The following SLC34A2 variants were observed in gnomAD, a reference collection of about 807,000 sequenced individuals.
SLC34A2 encodes sodium-dependent phosphate transport protein 2B.
A neutral mutation model predicts 50.8 loss-of-function variants in SLC34A2; 41 were observed. The observed-to-expected ratio is 0.81, with a 90% CI of 0.63 to 1.05. The LOEUF is 1.05. SLC34A2 is among the 50% of genes least tolerant of loss of function. The pLI is 0.00. For synonymous variants in SLC34A2, 401 were observed against 364.2 expected (o/e 1.10, Z -1.15); for missense variants, 879 against 876.7 (o/e 1.00, Z -0.03).
rs1298838624 is a variant in SLC34A2 at position 25,678,644 on chromosome 4, G to C, written c.*1895G>C. On this transcript the variant is annotated 3_prime_UTR_variant, in exon 13 of 13. Coordinates refer to ENST00000382051, the MANE Select transcript of SLC34A2 (RefSeq NM_006424.3). The stretch of plus-strand genomic sequence containing the variant: ...AATCCGCCCACCTCAGCCTCCCAAA[G>C]TGCTGAGATCACAGGCGTGAGCCAC... 2.9e-6 allele frequency: 1 copy of C among 350,382 alleles called. No individual in the cohort carries two copies. Among genetic ancestry groups the C allele is most frequent in the African/African-American group, 2.1e-5 (1 of 47,820 alleles). 21.7% of individuals were successfully genotyped at this position (350,382 alleles called of 1,614,324 possible).
chr4:25,673,352 G>A, intron 10 of SLC34A2, 98 bp downstream of exon 10: 2 of 1,159,988 alleles, frequency 1.7e-6, no homozygotes, highest in Non-Finnish European at 2.5e-6. Flanking sequence ...TCTGCATGGA[G>A]TTTCTCTCTC....
At chr4:25,663,351 A>G (rs572093855) in intron 3 of SLC34A2, among the ~76,000 whole-genome samples, 1 of 152,306 alleles carries the variant, frequency 6.6e-6, no homozygotes, top group Non-Finnish European at 1.5e-5. Context: ...GCAAAGATGG[A>G]CATTGTCTGG....
chr4:25,664,266 C>A lies in SLC34A2; in HGVS notation c.315C>A (p.Leu105=), dbSNP rs374518970. Residue 105 remains leucine (L), a synonymous_variant, in exon 4 of 13, where the codon CTC becomes CTA. Transcript: ENST00000382051. ...GGATTGGGAGATTGATTTTACTTCT[C>A]GGATTTCTCTACTTTTTCGTGTGCT... ...FQGIGRLILL[L]GFLYFFVCSL... The A allele has an allele frequency of 6.2e-7, 1 of 1,612,228 alleles. No homozygotes were observed. The highest frequency in any genetic ancestry group is 1.1e-5 in the South Asian group (1 of 91,004).
At chr4:25,669,906 G>T in intron 7 of SLC34A2, 64 bp downstream of exon 7, 1 of 1,363,190 alleles carries the variant, frequency 7.3e-7, no homozygotes, top group Non-Finnish European at 1.0e-6. Flanking sequence ...CCCTACCTGA[G>T]CTGACAGATA....
In SLC34A2 at chr4:25,673,109, C is replaced by T. The variant is rs765763683; in HGVS notation, c.1071C>T (p.Phe357=). The part of the protein sequence containing the change: ...IAKCQHIFVN[F]HLPDLAVGTI... ...CAGGCCAGCATATCTTTGTGAATTT[C>T]CACCTCCCGGATCTTGCTGTGGGCA... Residue 357 remains phenylalanine (F), a synonymous_variant, in exon 10 of 13, where the codon TTC becomes TTT. Coordinates refer to ENST00000382051, the MANE Select transcript of SLC34A2 (RefSeq NM_006424.3). The T allele has an allele frequency of 1.2e-5, 19 of 1,614,140 alleles. No homozygotes were observed. Among genetic ancestry groups the T allele is most frequent in the Middle Eastern group, 1.7e-4 (1 of 6,060 alleles).
Position 25,669,727 on chromosome 4 carries a change from A to C in SLC34A2, c.716A>C (p.His239Pro), listed in dbSNP as rs1215959671. Residue 239 changes from histidine to proline, a missense_variant, in exon 7 of 13, where the codon CAT (histidine) becomes CCT (proline). By Grantham distance (77) the His-to-Pro change is moderately conservative (BLOSUM62 -2). Transcript: ENST00000382051. Reference protein sequence around the residue: ...LVLLPVEVATHYLEIITQLIV... With the variant: ...LVLLPVEVATPYLEIITQLIV... ...CTCTTGCCCGTGGAGGTGGCCACCC[A>C]TTACCTCGAGATCATAACCCAGCTT... 6.2e-7 allele frequency: 1 copy of C among 1,614,178 alleles called. No individual in the cohort carries two copies. Among genetic ancestry groups the C allele is most frequent in the Non-Finnish European group, 8.5e-7 (1 of 1,180,036 alleles).
chr4:25,668,843 A>G (rs928019595), intron 6 of SLC34A2, among the ~76,000 whole-genome samples: 2 of 151,628 alleles, frequency 1.3e-5, no homozygotes, highest in African/African-American at 4.8e-5. Flanking sequence ...CTTTTCTTTC[A>G]AAAAGGTTAA....
At chr4:25,662,006 G>A (rs1177266345) in intron 1 of SLC34A2, among the ~76,000 whole-genome samples, 1 of 152,018 alleles carries the variant, frequency 6.6e-6, no homozygotes, top group African/African-American at 2.4e-5. Flanking sequence ...CCGAGTAGCT[G>A]GGACTATAGG....
chr4:25,665,445 G>A (rs1043200453), intron 4 of SLC34A2, among the ~76,000 whole-genome samples: 3 of 152,126 alleles, frequency 2.0e-5, no homozygotes, highest in African/African-American at 4.8e-5. Context: ...TGGGATTACA[G>A]GTGTGAGCCA....
chr4:25,669,370 G>C (rs1714689660), intron 6 of SLC34A2, among the ~76,000 whole-genome samples: 1 of 152,152 alleles, frequency 6.6e-6, no homozygotes, highest in Admixed American at 6.5e-5. Context: ...ATACAAAAGT[G>C]CCCTTGATGC....
chr4:25,675,941 G>A (rs75499883), intron 12 of SLC34A2, among the ~76,000 whole-genome samples, 194 bp from the exon 13 acceptor site: 1,729 of 152,232 alleles, frequency 0.011, 24 homozygotes, highest in African/African-American at 0.039. Context: ...GAGTGCTCCT[G>A]GCCCTCCCAG....
At chr4:25,664,008 T>C (rs1434353822) in intron 3 of SLC34A2, among the ~76,000 whole-genome samples, 194 bp from the exon 4 acceptor site, 1 of 152,132 alleles carries the variant, frequency 6.6e-6, no homozygotes, top group Non-Finnish European at 1.5e-5. Context: ...ACCACAGCGG[T>C]AACTGCTTTG....
chr4:25,676,630 C>T lies in SLC34A2; in HGVS notation c.1954C>T (p.Gln652Ter), dbSNP rs1292174866. ...GTGCTGCGAGGACTTGGAGGAGGCG[C>T]AGGAGGGGCAGGATGTCCCTGTCAA... ...SKCCEDLEEA[Q>*]EGQDVPVKAP... The change falls in exon 13 of 13, where the codon CAG (glutamine) becomes TAG (stop). Residue 652 changes from glutamine to a stop codon, truncating the protein, a stop_gained. Transcript: ENST00000382051. LOFTEE classifies it low-confidence loss of function (END_TRUNC). 2 of 1,613,968 alleles carry T rather than the reference C, an allele frequency of 1.2e-6. No homozygotes were observed. Among genetic ancestry groups the T allele is most frequent in the African/African-American group, 2.7e-5 (2 of 74,936 alleles).
In SLC34A2 at chr4:25,659,023, T is replaced by A. The variant is rs573471194; in HGVS notation, c.-4+3133T>A. Among the ~76,000 whole-genome samples, 5 of 151,580 alleles carry A rather than the reference T, an allele frequency of 3.3e-5. No homozygotes were observed. In the South Asian group the frequency reaches 1.0e-3, roughly 32 times the overall value. On this transcript the variant is annotated intron_variant, in intron 1 of 12. Coordinates refer to ENST00000382051, the MANE Select transcript of SLC34A2 (RefSeq NM_006424.3). ...GGAGTGACCTGCAGACATGCCAATC[T>A]AGCCAGCTATCCGAAAACACTCAGA...
chr4:25,678,410 T>C lies in SLC34A2; in HGVS notation c.*1661T>C, dbSNP rs1334580262. ...ATGAAATGTAAAGAAAGAAACCACTTTGTATATTTTGTAATACCACCTCTG... is the reference window on the plus strand; with the variant it reads ...ATGAAATGTAAAGAAAGAAACCACTCTGTATATTTTGTAATACCACCTCTG... On this transcript the variant is annotated 3_prime_UTR_variant, in exon 13 of 13. Transcript: ENST00000382051. 1.3e-5 allele frequency: 2 copies of C among 156,004 alleles called. No individual in the cohort carries two copies. The highest frequency in any genetic ancestry group is 4.8e-5 in the African/African-American group (2 of 41,472). 9.7% of individuals were successfully genotyped at this position (156,004 alleles called of 1,614,324 possible).
intron 1 of SLC34A2, chr4:25,656,525 G>A (rs1713890688): frequency 6.6e-6 from 1 of 152,282 alleles, no homozygotes; most frequent in Non-Finnish European, 1.5e-5. Flanking sequence ...CCGTCTTGGG[G>A]AGCAAAGCCC....
Position 25,676,631 on chromosome 4 carries a change from A to C in SLC34A2, c.1955A>C (p.Gln652Pro). Residue 652 changes from glutamine to proline, a missense_variant, in exon 13 of 13, where the codon CAG (glutamine) becomes CCG (proline). Transcript: ENST00000382051. ...SKCCEDLEEA[Q>P]EGQDVPVKAP... ...TGCTGCGAGGACTTGGAGGAGGCGC[A>C]GGAGGGGCAGGATGTCCCTGTCAAG... The C allele has an allele frequency of 6.2e-7, 1 of 1,614,116 alleles. No individual in the cohort carries two copies. Among genetic ancestry groups the C allele is most frequent in the Non-Finnish European group, 8.5e-7 (1 of 1,179,964 alleles).
intron 10 of SLC34A2, among the ~76,000 whole-genome samples, chr4:25,673,911 G>A (rs1479555511): frequency 6.6e-6 from 1 of 152,168 alleles, no homozygotes; most frequent in Non-Finnish European, 1.5e-5. Flanking sequence ...AGCTGCTACA[G>A]TTTCTTGATG....
intron 3 of SLC34A2, 21 bp from the exon 4 acceptor site, chr4:25,664,181 C>T (rs773425358): frequency 6.8e-5 from 109 of 1,607,448 alleles, no homozygotes; most frequent in Non-Finnish European, 5.2e-5. Context: ...CTCTCTCTCC[C>T]CCCATCCCAC....
Sources: allele counts gnomAD v4.1 joint callset (sites outside exome capture counted in the v4.1 genomes callset), GRCh38; gene constraint gnomAD v4.1.1; transcripts MANE v1.5; gene names NCBI Gene and HGNC (gene_info 2026-07-23, HGNC 2026-07-21).